The following COL11A2 variants were observed in gnomAD, a reference collection of about 807,000 sequenced individuals.
The protein encoded by COL11A2 is collagen alpha-2(XI) chain.
Under a neutral mutation model 273.4 loss-of-function variants are expected in COL11A2, and 116 were observed. The ratio of observed to expected loss-of-function variants is 0.42; its 90% CI spans 0.36 to 0.49. COL11A2 has a LOEUF of 0.49. Ranked by LOEUF, COL11A2 falls within the 20% of genes least tolerant of loss-of-function variation. The pLI is 0.00. For missense variants in COL11A2, 1,866 were observed against 2,309.0 expected (o/e 0.81, Z 3.93); for synonymous variants, 782 against 864.2 (o/e 0.90, Z 1.67).
At chr6:33,183,023 G>A (rs932364405) in intron 8 of COL11A2, among the ~76,000 whole-genome samples, 3 of 152,112 alleles carry the variant, frequency 2.0e-5, no homozygotes, top group African/African-American at 7.2e-5. Flanking sequence ...TAAAGGAAAG[G>A]CAGTAGAAGC....
rs1185708229 is a variant in COL11A2 at position 33,180,708 on chromosome 6, A to C, written c.1244T>G (p.Ile415Ser). ...GPAGLIGPPG[I>S]QGNPGPVGDP... is the part of the protein sequence containing the mutation. ...TCCAACTGGGCCTGGGTTCCCCTGG[A>C]TGCCAGGGGGACCAATCAATCCCTG... Residue 415 changes from isoleucine (I) to serine (S), a missense_variant, in exon 11 of 66, where the codon ATC (isoleucine) becomes AGC (serine). Ile to Ser is a moderately radical substitution (Grantham distance 142, BLOSUM62 -2). Transcript: ENST00000341947. 2 of 1,610,960 alleles carry C rather than the reference A, an allele frequency of 1.2e-6. No individual in the cohort carries two copies. Among genetic ancestry groups the C allele is most frequent in the Non-Finnish European group, 1.7e-6 (2 of 1,179,194 alleles).
In COL11A2 at chr6:33,189,446, G is replaced by A. The variant is rs118097056; in HGVS notation, c.106C>T (p.Arg36Trp). The change falls in exon 2 of 66, where the codon CGG (arginine) becomes TGG (tryptophan). Residue 36 changes from arginine (R) to tryptophan (W), a missense_variant. Transcript: ENST00000341947. The surrounding 1 kb of genome is among the most constrained non-coding windows in gnomAD (Gnocchi z 5.6). ...GGGAGGGAGGGGAACCTCAGGGCCC[G>A]GAGCACATCCACAGGGGGTGCACCT... ...WAGAPPVDVL[R>W]ALRFPSLPDG... The A allele has an allele frequency of 3.0e-5, 48 of 1,613,064 alleles. No individual in the cohort carries two copies. The East Asian group carries it at 5.6e-4, about 19-fold the overall frequency.
chr6:33,172,004 C>A (rs1770154718), intron 41 of COL11A2, 46 bp downstream of exon 41: 2 of 1,609,058 alleles, frequency 1.2e-6, no homozygotes, highest in Non-Finnish European at 1.7e-6. Context: ...TCCTCACCCA[C>A]CCCTTTCCCG....
chr6:33,176,049 C>A lies in COL11A2; in HGVS notation c.2235G>T (p.Gly745=). The A allele has an allele frequency of 1.2e-6, 2 of 1,612,986 alleles. No individual in the cohort carries two copies. The highest frequency in any genetic ancestry group is 1.7e-6 in the Non-Finnish European group (2 of 1,180,024). Residue 745 remains glycine, a synonymous_variant, in exon 29 of 66, where the codon GGG becomes GGT. Transcript: ENST00000341947. This position sits in a 1 kb window ranked among gnomAD's most constrained non-coding sequence, Gnocchi z 4.9. ...CTTTCACGCCTATGTCACCTTTGAA[C>A]CCAGGAAAGCCATCCTCACCCTGAG... is the stretch of plus-strand genomic sequence containing the variant. The part of the protein sequence containing the change: ...KGEKGEDGFP[G]FKGDIGVKGD...
intron 38 of COL11A2, 110 bp from the exon 39 acceptor site, chr6:33,172,747 G>A (rs1770293664): frequency 6.2e-6 from 6 of 971,310 alleles, no homozygotes; most frequent in Non-Finnish European, 9.6e-6. Context: ...CTTTATCCCT[G>A]CCCCAAAGCT....
intron 8 of COL11A2, among the ~76,000 whole-genome samples, 197 bp from the exon 9 acceptor site, chr6:33,181,367 C>G (rs1183955426): frequency 2.2e-5 from 3 of 135,432 alleles, no homozygotes; most frequent in Non-Finnish European, 4.9e-5. Flanking sequence ...TCAGGGTTCC[C>G]TGCCCCCCCA....
In COL11A2 at chr6:33,163,308, TGTTA is replaced by T. The variant is rs1554210648; in HGVS notation, c.*366_*369del. 3.7e-6 allele frequency: 1 copy of T among 269,802 alleles called. No homozygotes were observed. 16.7% of individuals were successfully genotyped at this position (269,802 alleles called of 1,614,324 possible). On this transcript the variant is annotated 3_prime_UTR_variant, in exon 66 of 66. Transcript: ENST00000341947. This position sits in a 1 kb window ranked among gnomAD's most constrained non-coding sequence, Gnocchi z 4.1. Reference sequence around the variant, plus strand: ...GATTTTTGTTGGCGTTTCTCTTTTTTGTTATTTTGCTTTCCACACTTTAAATAAT... The same window carrying T: ...GATTTTTGTTGGCGTTTCTCTTTTTTTTTTGCTTTCCACACTTTAAATAAT...
intron 29 of COL11A2, among the ~76,000 whole-genome samples, 156 bp downstream of exon 29, chr6:33,175,860 A>G (rs1770821211): frequency 6.6e-6 from 1 of 152,140 alleles, no homozygotes; most frequent in Non-Finnish European, 1.5e-5. Context: ...GACACAGACC[A>G]TGGGGCTATC....
chr6:33,168,281 A>G (rs1371099447), intron 54 of COL11A2, among the ~76,000 whole-genome samples: 1 of 150,306 alleles, frequency 6.7e-6, no homozygotes, highest in East Asian at 2.0e-4. Context: ...CTGCACACAC[A>G]CTCGCCCAGT....
rs1003695750 is a variant in COL11A2, at chr6:33,171,879, A to C, written c.3043-59T>G. 5 of 1,589,540 alleles carry C rather than the reference A, an allele frequency of 3.1e-6. No individual in the cohort carries two copies. In the Admixed American group the frequency reaches 8.3e-5, roughly 27 times the overall value. ...AGACACCAGCCCGCCCATACCAGAG[A>C]ACCTCAGACCACAATTCCCAAAAGC... On this transcript the variant is annotated intron_variant, in intron 41 of 65. Transcript: ENST00000341947.
rs560853286 is a variant in COL11A2 at position 33,177,743 on chromosome 6, G to A, written c.1873-37C>T. The A allele has an allele frequency of 1.2e-6, 2 of 1,612,234 alleles. No homozygotes were observed. The highest frequency in any genetic ancestry group is 2.7e-5 in the African/African-American group (2 of 75,020). ...GATGGGTGTGAGCAGCCTGAAGGTGGCCCGGAGGGACCTGTGGTTTTCAGA... is the reference window on the plus strand; with the variant it reads ...GATGGGTGTGAGCAGCCTGAAGGTGACCCGGAGGGACCTGTGGTTTTCAGA... On this transcript the variant is annotated intron_variant, in intron 21 of 65. Transcript: ENST00000341947. The surrounding 1 kb of genome is among the most constrained non-coding windows in gnomAD (Gnocchi z 5.9).
In COL11A2 at chr6:33,179,010, C is replaced by A. The variant is rs750818979; in HGVS notation, c.1612-37G>T. On this transcript the variant is annotated intron_variant, in intron 16 of 65. Coordinates refer to ENST00000341947, the MANE Select transcript of COL11A2 (RefSeq NM_080680.3). This position sits in a 1 kb window ranked among gnomAD's most constrained non-coding sequence, Gnocchi z 6.4. ...AGGGAAGTGTCAGAACAAGCAGGGC[C>A]GCAGTCCCCTACCCTGCAGGCCCTG... 7 of 1,613,930 alleles carry A rather than the reference C, an allele frequency of 4.3e-6. No homozygotes were observed. The highest frequency in any genetic ancestry group is 5.9e-6 in the Non-Finnish European group (7 of 1,179,946).
In COL11A2 at chr6:33,173,181, G is replaced by GA; in HGVS notation, c.2737-69dup. On this transcript the variant is annotated intron_variant, in intron 37 of 65. Coordinates refer to ENST00000341947, the MANE Select transcript of COL11A2 (RefSeq NM_080680.3). The surrounding 1 kb of genome is among the most constrained non-coding windows in gnomAD (Gnocchi z 6.3). ...GCGCTGTGGGGCAGATTCCCAGGAG[G>GA]AAGGATCCCAGGCAGGATCACACCA... is the stretch of plus-strand genomic sequence containing the variant. 1.9e-6 allele frequency: 3 copies of GA among 1,566,450 alleles called. No homozygotes were observed. In the South Asian group the frequency reaches 3.4e-5, roughly 18 times the overall value.
At chr6:33,192,481 C>G, upstream of COL11A2, 3 of 566,960 alleles carry the variant, frequency 5.3e-6, no homozygotes, top group Non-Finnish European at 9.4e-6. Context: ...CCCGGCCACC[C>G]TGGCGCCCAG....
intron 7 of COL11A2, 135 bp downstream of exon 7, chr6:33,184,855 CAG>C: frequency 5.5e-6 from 4 of 731,550 alleles, no homozygotes; most frequent in Non-Finnish European, 9.6e-6. Flanking sequence ...GACCCAAAGA[CAG>C]AGGCCATCGA....
Position 33,167,587 on chromosome 6 carries a change from AG to A in COL11A2, c.4015-55del. 2 of 1,588,944 alleles carry A rather than the reference AG, an allele frequency of 1.3e-6. No homozygotes were observed. The highest frequency in any genetic ancestry group is 1.1e-5 in the South Asian group (1 of 89,678). On this transcript the variant is annotated intron_variant, in intron 55 of 65. Transcript: ENST00000341947. This position sits in a 1 kb window ranked among gnomAD's most constrained non-coding sequence, Gnocchi z 6.1. ...AATGGCAGAGGAGTGGGGTGTGGGC[AG>A]GGGGCAGAGGGTCCAAGGTGGGAGG...
chr6:33,166,169 ACTGTGGCTC>A lies in COL11A2; in HGVS notation c.4421_4428+1del, dbSNP rs1206570502. 6.2e-7 allele frequency: 1 copy of A among 1,608,156 alleles called. No individual in the cohort carries two copies. Among genetic ancestry groups the A allele is most frequent in the East Asian group, 2.2e-5 (1 of 44,732 alleles). ...AGGTCAGAGCTGAAGGGGGTCACTC[ACTGTGGCTC>A]CTTTGGCTCCTTTGGGGCCAGCAGG... is the stretch of plus-strand genomic sequence containing the variant. On this transcript the variant is annotated splice_donor_variant and coding_sequence_variant, in exon 61 of 66. Coordinates refer to ENST00000341947, the MANE Select transcript of COL11A2 (RefSeq NM_080680.3). LOFTEE classifies it high-confidence loss of function. The surrounding 1 kb of genome is among the most constrained non-coding windows in gnomAD (Gnocchi z 4.8).
intron 1 of COL11A2, among the ~76,000 whole-genome samples, chr6:33,191,033 G>A (rs757327562): frequency 1.3e-5 from 2 of 151,924 alleles, no homozygotes; most frequent in Non-Finnish European, 2.9e-5. Context: ...CTAACCTTAG[G>A]AATTCTACAG....
Position 33,166,777 on chromosome 6 carries a change from C to T in COL11A2, c.4281G>A (p.Glu1427=), listed in dbSNP as rs2150522515. The T allele has an allele frequency of 6.2e-7, 1 of 1,613,474 alleles. No individual in the cohort carries two copies. The highest frequency in any genetic ancestry group is 2.2e-5 in the East Asian group (1 of 44,876). The change falls in exon 59 of 66, where the codon GAG becomes GAA. Residue 1427 remains glutamate (E), a synonymous_variant. Transcript: ENST00000341947. This position sits in a 1 kb window ranked among gnomAD's most constrained non-coding sequence, Gnocchi z 4.8. ...GLIGPPGEQG[E]KGDRGLPGPQ... ...GCCCAGGAAGTCCCCGATCTCCCTT[C>T]TCTCCCTGCTCACCCGGGGGCCCAA...
Sources: gnomAD v4.1 joint callset for allele counts (sites outside exome capture counted in the v4.1 genomes callset) on GRCh38, gnomAD v4.1.1 for gene constraint, Gnocchi (gnomAD v3.1) non-coding constraint, MANE v1.5 for transcripts, NCBI Gene and HGNC (gene_info 2026-07-23, HGNC 2026-07-21) for gene names.